The following COL2A1 variants were observed in gnomAD, a reference collection of about 807,000 sequenced individuals.
COL2A1 encodes collagen type II alpha 1 chain.
COL2A1 carries 28 observed loss-of-function variants against 204.5 expected under a neutral mutation model. The observed-to-expected ratio is 0.14, with a 90% CI of 0.10 to 0.19. The LOEUF (loss-of-function observed/expected upper bound fraction) is 0.19. COL2A1 is among the 10% of genes least tolerant of loss of function. The pLI is 1.00. For missense variants in COL2A1, 1,388 were observed against 2,027.5 expected, an observed-to-expected ratio of 0.68 and a Z score of 6.06; for synonymous variants, 708 against 718.7, an observed-to-expected ratio of 0.99 and a Z score of 0.24.
chr12:47,985,059 G>A lies in COL2A1; in HGVS notation c.1769C>T (p.Pro590Leu), dbSNP rs751452433. The A allele has an allele frequency of 6.2e-7, 1 of 1,613,888 alleles. No homozygotes were observed. Among genetic ancestry groups the A allele is most frequent in the Admixed American group, 1.7e-5 (1 of 60,006 alleles). ...APGEDGRPGP[P>L]GPQGARGQPG... ...CTGCCCACGAGCCCCCTGAGGACCT[G>A]GAGGTCCAGGACGACCATCTTCACC... The change falls in exon 27 of 54, where the codon CCA becomes CTA. Residue 590 changes from proline to leucine, a missense_variant. Coordinates refer to ENST00000380518, the MANE Select transcript of COL2A1 (RefSeq NM_001844.5).
chr12:47,977,329 T>G lies in COL2A1; in HGVS notation c.3264A>C (p.Arg1088Ser). The G allele has an allele frequency of 6.2e-7, 1 of 1,613,142 alleles. No homozygotes were observed. Among genetic ancestry groups the G allele is most frequent in the Non-Finnish European group, 8.5e-7 (1 of 1,179,074 alleles). The change falls in exon 46 of 54, where the codon AGA becomes AGC. Residue 1088 changes from arginine to serine, a missense_variant. Arg to Ser is a moderately radical substitution (Grantham distance 110, BLOSUM62 -1). Around this residue, in one of 3 missense-constraint regions of COL2A1, gnomAD observed 884 missense variants for 1,415.8 expected, o/e 0.62. Transcript: ENST00000380518. ...PAGPTGKQGDRGEAGAQGPMG... is the reference protein window; with the variant it reads ...PAGPTGKQGDSGEAGAQGPMG... The stretch of plus-strand genomic sequence containing the variant: ...AATTCAGGATACTTACAGCTTCTCC[T>G]CTGTCTCCTTGCTTGCCAGTTGGAC...
chr12:47,977,280 C>T (rs2136520823), intron 46 of COL2A1, 40 bp downstream of exon 46: 8 of 1,586,248 alleles, frequency 5.0e-6, no homozygotes, highest in East Asian at 4.5e-5. Context: ...AGCCCCACCG[C>T]GCAGGGGAAG....
chr12:47,993,474 C>A lies in COL2A1; in HGVS notation c.953G>T (p.Gly318Val), dbSNP rs2136607793. Residue 318 changes from glycine to valine, a missense_variant, in exon 15 of 54, where the codon GGA becomes GTA. By Grantham distance (109) the Gly-to-Val change is moderately radical. Transcript: ENST00000380518. The stretch of plus-strand genomic sequence containing the variant: ...CATACTTACCATTGGGCCCGGAGAT[C>A]CGTTCTCACCCGGGGAACCACTCTC... ...KGESGSPGEN[G>V]SPGPMGPRGL... 6.2e-7 allele frequency: 1 copy of A among 1,613,760 alleles called. No homozygotes were observed. The highest frequency in any genetic ancestry group is 8.5e-7 in the Non-Finnish European group (1 of 1,179,650).
Position 47,983,081 on chromosome 12 carries a change from C to T in COL2A1, c.2094+12G>A. 6.2e-7 allele frequency: 1 copy of T among 1,613,886 alleles called. No homozygotes were observed. Among genetic ancestry groups the T allele is most frequent in the Non-Finnish European group, 8.5e-7 (1 of 1,179,934 alleles). On this transcript the variant is annotated intron_variant, in intron 32 of 53. Coordinates refer to ENST00000380518, the MANE Select transcript of COL2A1 (RefSeq NM_001844.5). ...CAAGGAGGCAGCCCGCATTGGCCAA[C>T]AGGATACTCACCCTGGGACCCACGA...
chr12:47,995,043 T>C (rs987992528), intron 11 of COL2A1, among the ~76,000 whole-genome samples: 1 of 152,200 alleles, frequency 6.6e-6, no homozygotes, highest in African/African-American at 2.4e-5. Flanking sequence ...TTATTTGTCT[T>C]CCCCTTGGAT....
At chr12:47,992,352 C>T (rs1342953639) in intron 16 of COL2A1, among the ~76,000 whole-genome samples, 1 of 152,172 alleles carries the variant, frequency 6.6e-6, no homozygotes, top group Non-Finnish European at 1.5e-5. Context: ...ATAGAACCAC[C>T]TCTCAGGATA....
intron 1 of COL2A1, among the ~76,000 whole-genome samples, chr12:48,002,134 A>G (rs1310334299): frequency 6.6e-6 from 1 of 152,142 alleles, no homozygotes; most frequent in East Asian, 1.9e-4. Context: ...AACCAGTTTA[A>G]ATAAATACGG....
At chr12:47,977,177 C>T (rs373923726) in intron 46 of COL2A1, 22 bp from the exon 47 acceptor site, 41 of 1,611,198 alleles carry the variant, frequency 2.5e-5, no homozygotes, top group Non-Finnish European at 2.8e-5. Context: ...GTGAGCGCAG[C>T]GTCAGAGAAA....
intron 2 of COL2A1, 37 bp downstream of exon 2, chr12:47,999,882 T>C: frequency 6.3e-7 from 1 of 1,581,486 alleles, no homozygotes; most frequent in Non-Finnish European, 8.7e-7. Context: ...TTGCAAGTAA[T>C]TTATTTATGT....
Position 47,994,416 on chromosome 12 carries a change from G to A in COL2A1, c.816+8C>T, listed in dbSNP as rs1592230791. On this transcript the variant is annotated splice_region_variant and intron_variant, in intron 12 of 53. Coordinates refer to ENST00000380518, the MANE Select transcript of COL2A1 (RefSeq NM_001844.5). The stretch of plus-strand genomic sequence containing the variant: ...AAGATGCCTGAGGCTGGGAACGGTG[G>A]CGTTTACCTGAGGACCAGGCGGACC... 5 of 1,614,114 alleles carry A rather than the reference G, an allele frequency of 3.1e-6. No individual in the cohort carries two copies. The highest frequency in any genetic ancestry group is 2.2e-5 in the South Asian group (2 of 91,050).
At chr12:47,982,013 C>A (rs1939119627) in intron 35 of COL2A1, 94 bp downstream of exon 35, 1 of 1,374,608 alleles carries the variant, frequency 7.3e-7, no homozygotes, top group Admixed American at 1.7e-5. Context: ...GACCAGGGAC[C>A]CCAGTGGCAG....
chr12:47,977,432 C>G lies in COL2A1; in HGVS notation c.3166-5G>C. ...ACCAGTCTCACCACGATCACCCTGT[C>G]AGGAGAGAGGTCTCAGGCTCAGAGA... is the stretch of plus-strand genomic sequence containing the variant. On this transcript the variant is annotated splice_region_variant and splice_polypyrimidine_tract_variant and intron_variant, in intron 45 of 53. Transcript: ENST00000380518. The G allele has an allele frequency of 1.2e-6, 2 of 1,610,618 alleles. No individual in the cohort carries two copies. Among genetic ancestry groups the G allele is most frequent in the Non-Finnish European group, 1.7e-6 (2 of 1,177,458 alleles).
chr12:47,977,988 C>G lies in COL2A1; in HGVS notation c.3111+22G>C, dbSNP rs755557964. ...GGCCCCTCTCCCCAATCAGGGCCAC[C>G]CCAGGGGGTCTCACTGCTCACCTCT... On this transcript the variant is annotated intron_variant, in intron 44 of 53. Transcript: ENST00000380518. 3 of 1,607,510 alleles carry G rather than the reference C, an allele frequency of 1.9e-6. No homozygotes were observed. In the Admixed American group the frequency reaches 5.0e-5, roughly 27 times the overall value.
At chr12:47,993,666 A>G (rs1363440961) in intron 14 of COL2A1, 143 bp downstream of exon 14, 3 of 1,122,992 alleles carry the variant, frequency 2.7e-6, no homozygotes, top group Non-Finnish European at 4.0e-6. Context: ...CTGTTGGCCC[A>G]TCAGGATGTA....
At position 48,004,257 on chromosome 12, in the gene COL2A1, C is replaced by A; in HGVS notation, c.65G>T (p.Arg22Leu). ...CTTACGGACATCCTGGCCCTGACAC[C>A]GAAGGACAGCGGCGACGAGCAGCGT... ...LLTLLVAAVL[R>L]CQGQDVQEAG... is the part of the protein sequence containing the mutation. Residue 22 changes from arginine to leucine, a missense_variant, in exon 1 of 54, where the codon CGG becomes CTG. Arg to Leu is a moderately radical substitution (Grantham distance 102). This residue lies in a region of COL2A1 where 201 missense variants were observed against 242.4 expected (regional missense o/e 0.83). Coordinates refer to ENST00000380518, the MANE Select transcript of COL2A1 (RefSeq NM_001844.5). The A allele has an allele frequency of 6.5e-7, 1 of 1,550,210 alleles. No individual in the cohort carries two copies. The highest frequency in any genetic ancestry group is 8.7e-7 in the Non-Finnish European group (1 of 1,146,382).
At position 47,993,506 on chromosome 12, in the gene COL2A1, GA is replaced by G; in HGVS notation, c.925-5del. ...CACCCGGGGAACCACTCTCACCCTG[GA>G]AAAATGATGCACAAGGTCAGTGTCT... On this transcript the variant is annotated splice_polypyrimidine_tract_variant and splice_region_variant and intron_variant, in intron 14 of 53. Coordinates refer to ENST00000380518, the MANE Select transcript of COL2A1 (RefSeq NM_001844.5). 6.2e-7 allele frequency: 1 copy of G among 1,613,348 alleles called. No homozygotes were observed. The highest frequency in any genetic ancestry group is 8.5e-7 in the Non-Finnish European group (1 of 1,179,322).
chr12:47,980,124 C>G lies in COL2A1; in HGVS notation c.2626-62G>C. 1.4e-6 allele frequency: 2 copies of G among 1,431,896 alleles called. No individual in the cohort carries two copies. Among genetic ancestry groups the G allele is most frequent in the Non-Finnish European group, 1.9e-6 (2 of 1,038,616 alleles). The allele number at this position is 1,431,896 out of a possible 1,614,324, so 88.7% of individuals were successfully genotyped here. On this transcript the variant is annotated intron_variant, in intron 39 of 53. Coordinates refer to ENST00000380518, the MANE Select transcript of COL2A1 (RefSeq NM_001844.5). The surrounding 1 kb of genome is among the most constrained non-coding windows in gnomAD (Gnocchi z 4.5). The stretch of plus-strand genomic sequence containing the variant: ...CCCAAGGAAGACGGTGGGCTTCTGT[C>G]TGAGCCCCAACAATGGACCCCTGAG...
At chr12:47,973,663 G>GT in intron 53 of COL2A1, 110 bp from the exon 54 acceptor site, 1 of 1,318,586 alleles carries the variant, frequency 7.6e-7, no homozygotes, top group Middle Eastern at 2.3e-4. Context: ...AGCCCACAAG[G>GT]TTGAACCACA....
At position 47,975,517 on chromosome 12, in the gene COL2A1, C is replaced by A. The variant is rs776705338; in HGVS notation, c.3686G>T (p.Arg1229Ile). ...DMSAFAGLGP[R>I]EKGPDPLQYM... ...CTGCAGGGGGTCGGGGCCCTTCTCT[C>A]TCGGGCCTAAGCCAGCAAAGGCGGA... Residue 1229 changes from arginine to isoleucine, a missense_variant, in exon 51 of 54, where the codon AGA (arginine) becomes ATA (isoleucine). Arg to Ile is a moderately conservative substitution (Grantham distance 97, BLOSUM62 -3). Coordinates refer to ENST00000380518, the MANE Select transcript of COL2A1 (RefSeq NM_001844.5). 6.2e-7 allele frequency: 1 copy of A among 1,610,560 alleles called. No individual in the cohort carries two copies. Among genetic ancestry groups the A allele is most frequent in the East Asian group, 2.2e-5 (1 of 44,880 alleles).
Sources: allele counts gnomAD v4.1 joint callset (sites outside exome capture counted in the v4.1 genomes callset), GRCh38; gene constraint gnomAD v4.1.1; regional missense constraint gnomAD v4.1.1; non-coding constraint Gnocchi (gnomAD v3.1); transcripts MANE v1.5; gene names NCBI Gene and HGNC (gene_info 2026-07-23, HGNC 2026-07-21).